The following GABBR2 variants were observed in gnomAD, a reference collection of about 807,000 sequenced individuals.
GABBR2 encodes gamma-aminobutyric acid type B receptor subunit 2.
In GABBR2, 23 loss-of-function variants were observed where a neutral mutation model predicts 105.6. The observed-to-expected ratio is 0.22, with a 90% confidence interval of 0.16 to 0.31. The LOEUF (loss-of-function observed/expected upper bound fraction) is 0.31, where lower values mean the gene tolerates loss of function less well. Ranked by LOEUF, GABBR2 falls within the 10% of genes least tolerant of loss-of-function variation. GABBR2 has a pLI of 1.00. For missense variants in GABBR2, 734 were observed against 1,245.5 expected, an observed-to-expected ratio of 0.59 and a Z score of 6.18; for synonymous variants, 478 against 499.7, an observed-to-expected ratio of 0.96 and a Z score of 0.58.
At chr9:98,449,594 A>C (rs1489936924) in intron 7 of GABBR2, among the ~76,000 whole-genome samples, 1 of 152,234 alleles carries the variant, frequency 6.6e-6, no homozygotes, top group African/African-American at 2.4e-5. Flanking sequence ...ATTTTAAATG[A>C]AGCGCCCTGG....
At chr9:98,338,383 G>A (rs1253494941) in intron 13 of GABBR2, among the ~76,000 whole-genome samples, 4 of 152,048 alleles carry the variant, frequency 2.6e-5, no homozygotes, top group Non-Finnish European at 5.9e-5. Context: ...TCTGACAAAG[G>A]CCTAGTATCT....
At chr9:98,676,248 G>GA (rs933714227) in intron 1 of GABBR2, among the ~76,000 whole-genome samples, 1 of 152,190 alleles carries the variant, frequency 6.6e-6, no homozygotes, top group Admixed American at 6.5e-5. Context: ...TCGAGAAGTT[G>GA]AAAAAAGCAA....
intron 3 of GABBR2, among the ~76,000 whole-genome samples, chr9:98,513,564 A>C (rs1390230351): frequency 1.3e-5 from 2 of 152,104 alleles, no homozygotes; most frequent in Non-Finnish European, 2.9e-5. Context: ...TTACAAAAAA[A>C]AAACAAACAA....
chr9:98,297,290 G>A (rs1054050684), intron 17 of GABBR2, among the ~76,000 whole-genome samples: 6 of 152,142 alleles, frequency 3.9e-5, no homozygotes, highest in African/African-American at 1.4e-4. Flanking sequence ...TATTGCTACT[G>A]TAATAAGACC....
Position 98,441,881 on chromosome 9 carries a change from A to G in GABBR2, c.1236+12100T>C, listed in dbSNP as rs185013032. Among the ~76,000 whole-genome samples, 643 of 152,316 alleles carry G rather than the reference A, an allele frequency of 4.2e-3. 17 individuals are homozygous for G. The highest frequency in any genetic ancestry group is 0.035 in the Admixed American group (531 of 15,280). ...GAAGATTGAGAACCACTGCCATGGA[A>G]AAAGTTTTATAATGTGAGGGACCAA... On this transcript the variant is annotated intron_variant, in intron 7 of 18. Transcript: ENST00000259455.
intron 1 of GABBR2, among the ~76,000 whole-genome samples, chr9:98,630,671 G>A (rs1165382621): frequency 6.6e-6 from 1 of 152,170 alleles, no homozygotes; most frequent in Non-Finnish European, 1.5e-5. Flanking sequence ...ACTAGGAATT[G>A]AGAAACTAAA....
At chr9:98,365,702 G>A (rs1162896066) in intron 12 of GABBR2, among the ~76,000 whole-genome samples, 1 of 152,200 alleles carries the variant, frequency 6.6e-6, no homozygotes, top group African/African-American at 2.4e-5. Context: ...TAAGAAACAT[G>A]CATGTTTGTG....
At position 98,454,283 on chromosome 9, in the gene GABBR2, C is replaced by T. The variant is rs1211936554; in HGVS notation, c.1000-66G>A. The T allele has an allele frequency of 9.4e-6, 10 of 1,059,342 alleles. No individual in the cohort carries two copies. The highest frequency in any genetic ancestry group is 5.1e-5 in the South Asian group (4 of 78,386). The allele number at this position is 1,059,342 out of a possible 1,614,324, so 65.6% of individuals were successfully genotyped here. A position where few individuals can be genotyped will look rare whatever the true frequency, so the allele number is the denominator to read the frequency against. On this transcript the variant is annotated intron_variant, in intron 6 of 18. Coordinates refer to ENST00000259455, the MANE Select transcript of GABBR2 (RefSeq NM_005458.8). This position sits in a 1 kb window ranked among gnomAD's most constrained non-coding sequence, Gnocchi z 4.6. ...GGCAGGGACATCAGGTGCCTGATGC[C>T]GAGAAGAGCTGCTATTCTTCAATGC...
At position 98,355,659 on chromosome 9, in the gene GABBR2, C is replaced by G. The variant is rs571354019; in HGVS notation, c.1893+7056G>C. ...AGATGTCAATACTTCCCAACTTGAT[C>G]TATACATTCAGTGTAATCCCAATAA... On this transcript the variant is annotated intron_variant, in intron 13 of 18. Coordinates refer to ENST00000259455, the MANE Select transcript of GABBR2 (RefSeq NM_005458.8). Among the ~76,000 whole-genome samples, 39 of 152,294 alleles carry G rather than the reference C, an allele frequency of 2.6e-4. 1 individual carries two copies. In the South Asian group the frequency reaches 7.9e-3, roughly 31 times the overall value.
intron 1 of GABBR2, among the ~76,000 whole-genome samples, chr9:98,641,144 TTC>T (rs1327906823): frequency 3.3e-4 from 50 of 149,904 alleles, no homozygotes; most frequent in African/African-American, 1.0e-3. Flanking sequence ...TTTTTTTTTT[TTC>T]TTTTTGAGAC....
chr9:98,584,429 C>A (rs1420808089), intron 1 of GABBR2, among the ~76,000 whole-genome samples: 1 of 152,140 alleles, frequency 6.6e-6, no homozygotes, highest in Admixed American at 6.5e-5. Context: ...GTCACCACCT[C>A]ACATCTCCTG....
At chr9:98,475,771 T>C (rs1043236429) in intron 5 of GABBR2, among the ~76,000 whole-genome samples, 1 of 152,154 alleles carries the variant, frequency 6.6e-6, no homozygotes, top group African/African-American at 2.4e-5. Flanking sequence ...GAAGTAAGAA[T>C]CAGTAGATAC....
intron 1 of GABBR2, among the ~76,000 whole-genome samples, chr9:98,641,357 C>T (rs905946020): frequency 4.7e-5 from 7 of 150,144 alleles, no homozygotes; most frequent in Admixed American, 4.6e-4. Flanking sequence ...AGGCTGGTCT[C>T]GAACTCCTGA....
At chr9:98,473,017 G>A in intron 6 of GABBR2, 129 bp downstream of exon 6, 1 of 697,366 alleles carries the variant, frequency 1.4e-6, no homozygotes, top group Non-Finnish European at 2.5e-6. Context: ...GGTACAAGAG[G>A]CTCAGAGAGG....
chr9:98,671,713 G>A (rs926591788), intron 1 of GABBR2, among the ~76,000 whole-genome samples: 37 of 152,154 alleles, frequency 2.4e-4, no homozygotes, highest in African/African-American at 8.0e-4. Flanking sequence ...ATGTCATGTG[G>A]TTTTGATCTG....
chr9:98,335,815 G>A (rs906501618), intron 13 of GABBR2, among the ~76,000 whole-genome samples: 1 of 146,930 alleles, frequency 6.8e-6, no homozygotes, highest in Non-Finnish European at 1.5e-5. Flanking sequence ...GTGCTGACAA[G>A]AATCATGCCA....
intron 2 of GABBR2, 70 bp downstream of exon 2, chr9:98,577,865 A>T: frequency 6.8e-6 from 10 of 1,460,540 alleles, no homozygotes; most frequent in Non-Finnish European, 8.4e-6. Context: ...TGTACAAGGA[A>T]TAATTCCTGC....
chr9:98,361,624 G>C (rs1219428495), intron 13 of GABBR2, among the ~76,000 whole-genome samples: 2 of 152,204 alleles, frequency 1.3e-5, no homozygotes, highest in Admixed American at 1.3e-4. Context: ...AAAATAGCCT[G>C]TCTGCTCGAG....
intron 1 of GABBR2, among the ~76,000 whole-genome samples, chr9:98,618,682 CCT>C (rs1200866113): frequency 6.6e-6 from 1 of 152,070 alleles, no homozygotes; most frequent in African/African-American, 2.4e-5. Flanking sequence ...GTCTCTTGCT[CCT>C]CTCTCTCCAG....
Sources: gnomAD v4.1 joint callset for allele counts (sites outside exome capture counted in the v4.1 genomes callset) on GRCh38, gnomAD v4.1.1 for gene constraint, Gnocchi (gnomAD v3.1) non-coding constraint, MANE v1.5 for transcripts, NCBI Gene and HGNC (gene_info 2026-07-23, HGNC 2026-07-21) for gene names.